Variants in ODAM observed in about 807,000 individuals in gnomAD.
ODAM encodes odontogenic, ameloblast associated, also known as odontogenic ameloblast-associated protein.
In ODAM, 55 loss-of-function variants were observed where a neutral mutation model predicts 48.5. That is an observed-to-expected ratio of 1.13 (90% confidence interval 0.91 to 1.42). The LOEUF (loss-of-function observed/expected upper bound fraction) is 1.42, where lower values mean the gene tolerates loss of function less well. Ranked by LOEUF, ODAM falls within the 40% of genes most tolerant of loss-of-function variation. The pLI, the probability that ODAM is intolerant of heterozygous loss-of-function variation, is 0.00. For synonymous variants in ODAM, 127 were observed against 107.8 expected (o/e 1.18, Z -1.10); for missense variants, 353 against 323.6 (o/e 1.09, Z -0.70).
rs140895119 is a variant in ODAM at position 70,202,259 on chromosome 4, C to T, written c.578C>T (p.Ala193Val). The T allele has an allele frequency of 6.2e-7, 1 of 1,610,634 alleles. No individual in the cohort carries two copies. The highest frequency in any genetic ancestry group is 1.3e-5 in the African/African-American group (1 of 74,828). Residue 193 changes from alanine (A) to valine (V), a missense_variant and splice_region_variant, in exon 9 of 12, where the codon GCT becomes GTT. Ala to Val is a moderately conservative substitution (Grantham distance 64). Transcript: ENST00000683306. Reference sequence around the variant, plus strand: ...TTTTAAAACTTTTTGTGTTTTTAGGCTATATCAGGAGGACAGCAGCAACTA... The same window carrying T: ...TTTTAAAACTTTTTGTGTTTTTAGGTTATATCAGGAGGACAGCAGCAACTA... ...FGYIPQLAEP[A>V]ISGGQQQLAF...
chr4:70,197,031 C>A (rs550668503), intron 3 of ODAM, among the ~76,000 whole-genome samples: 1 of 152,020 alleles, frequency 6.6e-6, no homozygotes, highest in East Asian at 1.9e-4. Flanking sequence ...ATGACTAAAC[C>A]ACTGGAATGT....
At chr4:70,201,403 C>T (rs557333228) in intron 7 of ODAM, 51 bp from the exon 8 acceptor site, 122 of 890,364 alleles carry the variant, frequency 1.4e-4, no homozygotes, top group Middle Eastern at 2.2e-4. Flanking sequence ...TGCAAACTTA[C>T]GACAAGAATA....
At chr4:70,202,153 T>G in intron 8 of ODAM, 105 bp from the exon 9 acceptor site, 1 of 760,518 alleles carries the variant, frequency 1.3e-6, no homozygotes, top group East Asian at 2.6e-5. Context: ...GCAAAATAAT[T>G]TAAGAAGTTT....
At chr4:70,201,372 TAA>T (rs1729488890) in intron 7 of ODAM, 80 bp from the exon 8 acceptor site, 2 of 653,438 alleles carry the variant, frequency 3.1e-6, no homozygotes, top group South Asian at 1.9e-5. Context: ...AAAAGATATA[TAA>T]GTTTAAGTAA....
chr4:70,198,840 G>T (rs1356041390), intron 6 of ODAM, among the ~76,000 whole-genome samples: 1 of 151,982 alleles, frequency 6.6e-6, no homozygotes, highest in Non-Finnish European at 1.5e-5. Flanking sequence ...GAGTCTCCAG[G>T]ACCCCTGAAT....
intron 9 of ODAM, 99 bp from the exon 10 acceptor site, chr4:70,202,657 G>T: frequency 1.2e-6 from 1 of 833,964 alleles, no homozygotes; most frequent in Non-Finnish European, 1.9e-6. Context: ...TTAATATAAT[G>T]CTTTTGTTAC....
intron 3 of ODAM, among the ~76,000 whole-genome samples, chr4:70,197,069 C>G (rs1578235859): frequency 6.6e-6 from 1 of 152,150 alleles, no homozygotes; most frequent in East Asian, 1.9e-4. Context: ...TCATACCCAA[C>G]AGAGGAGAGG....
intron 11 of ODAM, among the ~76,000 whole-genome samples, chr4:70,203,420 C>A (rs905041615): frequency 6.6e-6 from 1 of 151,700 alleles, no homozygotes; most frequent in Admixed American, 6.6e-5. Flanking sequence ...TCATGTCTGC[C>A]TATAAGTTTG....
chr4:70,199,131 A>C (rs2109817175), intron 6 of ODAM, among the ~76,000 whole-genome samples: 1 of 152,142 alleles, frequency 6.6e-6, no homozygotes, highest in South Asian at 2.1e-4. Context: ...CCATATTACA[A>C]TCAAATGGTA....
At chr4:70,198,188 GGAGA>G (rs781535172) in intron 5 of ODAM, 31 bp downstream of exon 5, 2 of 1,564,954 alleles carry the variant, frequency 1.3e-6, no homozygotes, top group African/African-American at 1.4e-5. Flanking sequence ...TTTGTTCTGA[GGAGA>G]GAGAACTGCA....
rs763746565 is a variant in ODAM, at chr4:70,198,193, G to C, written c.375+36G>C. ...CCTCTTTCATTTTGTTCTGAGGAGA[G>C]AGAACTGCATGTTTAATCTGACAAT... is the stretch of plus-strand genomic sequence containing the variant. On this transcript the variant is annotated intron_variant, in intron 5 of 11. Transcript: ENST00000683306. 59 of 1,525,678 alleles carry C rather than the reference G, an allele frequency of 3.9e-5. No individual in the cohort carries two copies. The Admixed American group carries it at 8.1e-4, about 21-fold the overall frequency. 94.5% of individuals were successfully genotyped at this position (1,525,678 alleles called of 1,614,324 possible).
Position 70,201,513 on chromosome 4 carries a change from C to T in ODAM, c.576+12C>T, listed in dbSNP as rs1347664477. The T allele has an allele frequency of 1.8e-5, 25 of 1,371,168 alleles. No individual in the cohort carries two copies. The highest frequency in any genetic ancestry group is 2.6e-5 in the Non-Finnish European group (25 of 965,360). The allele number at this position is 1,371,168 out of a possible 1,614,324, so 84.9% of individuals were successfully genotyped here. ...AACTAGCAGAACCTGTAAGTAAATGCATATTTTTCATTAAAAATATTTTGA... is the reference window on the plus strand; with the variant it reads ...AACTAGCAGAACCTGTAAGTAAATGTATATTTTTCATTAAAAATATTTTGA... On this transcript the variant is annotated intron_variant, in intron 8 of 11. Coordinates refer to ENST00000683306, the MANE Select transcript of ODAM (RefSeq NM_017855.4).
rs1294757843 is a variant in ODAM, at chr4:70,196,802, C to A, written c.93+69C>A. The A allele has an allele frequency of 3.1e-6, 4 of 1,278,910 alleles. No homozygotes were observed. The South Asian group carries it at 4.1e-5, about 13-fold the overall frequency. The allele number at this position is 1,278,910 out of a possible 1,614,324, so 79.2% of individuals were successfully genotyped here. A position where few individuals can be genotyped will look rare whatever the true frequency, so the allele number is the denominator to read the frequency against. ...AAATCAAGTGGGAAGAGATAGAAGT[C>A]GTCATTTAATTTATACTGTGTTCCT... On this transcript the variant is annotated intron_variant, in intron 3 of 11. Coordinates refer to ENST00000683306, the MANE Select transcript of ODAM (RefSeq NM_017855.4).
chr4:70,200,494 T>C lies in ODAM; in HGVS notation c.424-3T>C, dbSNP rs1729471364. ...TCTTGTATCCTTCTCTTTTTACAAGTAGATGTTTCAATACTATCCAGTTTA... is the reference window on the plus strand; with the variant it reads ...TCTTGTATCCTTCTCTTTTTACAAGCAGATGTTTCAATACTATCCAGTTTA... On this transcript the variant is annotated splice_polypyrimidine_tract_variant and splice_region_variant and intron_variant, in intron 6 of 11. Coordinates refer to ENST00000683306, the MANE Select transcript of ODAM (RefSeq NM_017855.4). 6.5e-7 allele frequency: 1 copy of C among 1,535,336 alleles called. No homozygotes were observed. Among genetic ancestry groups the C allele is most frequent in the Non-Finnish European group, 9.0e-7 (1 of 1,112,776 alleles).
Position 70,200,596 on chromosome 4 carries a change from G to A in ODAM, c.523G>A (p.Glu175Lys). 3.1e-6 allele frequency: 5 copies of A among 1,594,918 alleles called. No individual in the cohort carries two copies. The highest frequency in any genetic ancestry group is 3.4e-6 in the Non-Finnish European group (4 of 1,164,652). ...PQQTRQQQYE[E>K]QIPFYAQFGY... ...ACAAACAAGACAGCAACAGTATGAG[G>A]AGCAGGTACTGCAAATGTTTTATTT... Residue 175 changes from glutamate to lysine, a missense_variant, in exon 7 of 12, where the codon GAG (glutamate) becomes AAG (lysine). Transcript: ENST00000683306.
intron 1 of ODAM, 142 bp downstream of exon 1, chr4:70,195,935 G>A (rs1246741860): frequency 6.1e-6 from 1 of 163,430 alleles, no homozygotes; most frequent in Non-Finnish European, 1.3e-5. Context: ...TAGAAGACAA[G>A]AGAAATATAC....
Position 70,197,914 on chromosome 4 carries a change from G to A in ODAM, c.142-10G>A, listed in dbSNP as rs200796815. ...AGGGAACATGCTTTCTTTCCTTTGT[G>A]TCTTTTTAGGGCCCACTTAATTCAT... On this transcript the variant is annotated splice_polypyrimidine_tract_variant and intron_variant, in intron 4 of 11. Coordinates refer to ENST00000683306, the MANE Select transcript of ODAM (RefSeq NM_017855.4). The A allele has an allele frequency of 1.1e-4, 171 of 1,607,684 alleles. 1 individual carries two copies. In the Admixed American group the frequency reaches 2.8e-3, roughly 27 times the overall value.
At chr4:70,197,835 T>C (rs566295310) in intron 4 of ODAM, 89 bp from the exon 5 acceptor site, 1 of 926,296 alleles carries the variant, frequency 1.1e-6, no homozygotes, top group Non-Finnish European at 1.7e-6. Flanking sequence ...AGAAATTGTT[T>C]GTATTTTGCC....
intron 8 of ODAM, 56 bp from the exon 9 acceptor site, chr4:70,202,202 G>A: frequency 7.6e-7 from 1 of 1,317,102 alleles, no homozygotes; most frequent in Non-Finnish European, 1.1e-6. Context: ...GGTGGCCAAA[G>A]AGCATATTTT....
Sources: allele counts gnomAD v4.1 joint callset (sites outside exome capture counted in the v4.1 genomes callset), GRCh38; gene constraint gnomAD v4.1.1; transcripts MANE v1.5; gene names NCBI Gene and HGNC (gene_info 2026-07-23, HGNC 2026-07-21).